MTUS2: variants seen among roughly 807,000 people sequenced by gnomAD.
The protein encoded by MTUS2 is microtubule associated scaffold protein 2, also known as microtubule-associated tumor suppressor candidate 2.
Under a neutral mutation model 114.1 loss-of-function variants are expected in MTUS2, and 40 were observed. That is an observed-to-expected ratio of 0.35 (90% CI 0.27 to 0.46). The LOEUF (loss-of-function observed/expected upper bound fraction) is 0.46, where lower values mean the gene tolerates loss of function less well. MTUS2 is among the 20% of genes least tolerant of loss of function. The pLI is 1.00. For missense variants in MTUS2, 1,679 were observed against 1,705.4 expected (o/e 0.98, Z 0.27); for synonymous variants, 688 against 672.0 (o/e 1.02, Z -0.37).
intron 6 of MTUS2, among the ~76,000 whole-genome samples, chr13:29,306,167 G>C (rs1899446711): frequency 6.6e-6 from 1 of 152,076 alleles, no homozygotes; most frequent in African/African-American, 2.4e-5. Flanking sequence ...TATGACAAAT[G>C]CACAGTCAAT....
chr13:29,280,972 A>G (rs1898243383), intron 5 of MTUS2, among the ~76,000 whole-genome samples: 1 of 152,248 alleles, frequency 6.6e-6, no homozygotes, highest in Non-Finnish European at 1.5e-5. Context: ...AGTATGCCAT[A>G]TCTTCAGAGT....
At chr13:29,345,280 T>C (rs1868553196) in intron 7 of MTUS2, among the ~76,000 whole-genome samples, 1 of 152,242 alleles carries the variant, frequency 6.6e-6, no homozygotes, top group African/African-American at 2.4e-5. Context: ...CTTTCCTTTC[T>C]CAGAAACACC....
At chr13:29,311,074 T>C (rs1487667110) in intron 6 of MTUS2, among the ~76,000 whole-genome samples, 1 of 152,214 alleles carries the variant, frequency 6.6e-6, no homozygotes, top group Non-Finnish European at 1.5e-5. Flanking sequence ...GGGCTACATG[T>C]GGATGAAAAT....
chr13:28,913,011 G>C (rs1880537909), intron 2 of MTUS2, among the ~76,000 whole-genome samples: 1 of 152,020 alleles, frequency 6.6e-6, no homozygotes, highest in African/African-American at 2.4e-5. Flanking sequence ...GAAGCTTTTG[G>C]GCTGAGACGA....
rs1048593480 is a variant in MTUS2, at chr13:29,379,836, A to G, written c.3117+20363A>G. ...AAAAAGATCACGTTTCCCAATACTG[A>G]GGAGAAACAGACATAAGGGTAGAGA... is the stretch of plus-strand genomic sequence containing the variant. On this transcript the variant is annotated intron_variant, in intron 8 of 15. Transcript: ENST00000612955. Among the ~76,000 whole-genome samples, 5 of 152,246 alleles carry G rather than the reference A, an allele frequency of 3.3e-5. No individual in the cohort carries two copies. In the South Asian group the frequency reaches 8.3e-4, roughly 25 times the overall value.
At chr13:29,057,724 TAC>T (rs1274729575) in intron 4 of MTUS2, among the ~76,000 whole-genome samples, 6 of 152,178 alleles carry the variant, frequency 3.9e-5, no homozygotes, top group Non-Finnish European at 2.9e-5. Context: ...GTAGACAGCA[TAC>T]AGTCAGGTTT....
At chr13:29,502,329 G>A (rs372613829) in intron 15 of MTUS2, among the ~76,000 whole-genome samples, 53 of 152,360 alleles carry the variant, frequency 3.5e-4, no homozygotes, top group African/African-American at 1.2e-3. Flanking sequence ...CAAGCAATTC[G>A]GATTCATTTT....
chr13:29,278,834 A>C (rs1898162602), intron 5 of MTUS2, among the ~76,000 whole-genome samples: 1 of 151,976 alleles, frequency 6.6e-6, no homozygotes, highest in South Asian at 2.1e-4. Context: ...AGACAATCAT[A>C]CTCTCACTCT....
At chr13:28,902,828 T>C (rs1879725326) in intron 2 of MTUS2, among the ~76,000 whole-genome samples, 1 of 152,182 alleles carries the variant, frequency 6.6e-6, no homozygotes, top group Admixed American at 6.6e-5. Context: ...TGGCTTCTTA[T>C]TAAATAGAAT....
intron 2 of MTUS2, among the ~76,000 whole-genome samples, chr13:28,992,396 A>C (rs1245249833): frequency 2.0e-5 from 3 of 152,146 alleles, no homozygotes; most frequent in Admixed American, 2.0e-4. Context: ...TGCCGGAGGG[A>C]GGAGGAGGTG....
chr13:29,189,842 C>T (rs2139189875), intron 5 of MTUS2, among the ~76,000 whole-genome samples: 1 of 152,162 alleles, frequency 6.6e-6, no homozygotes. Flanking sequence ...TCCCTCTACC[C>T]CCAAATGTAT....
At chr13:29,274,013 G>A (rs559013935) in intron 5 of MTUS2, among the ~76,000 whole-genome samples, 229 of 152,232 alleles carry the variant, frequency 1.5e-3, no homozygotes, top group African/African-American at 5.3e-3. Flanking sequence ...GTGAACATAT[G>A]TTTTCAGTTT....
chr13:29,369,679 A>T (rs1234119382), intron 8 of MTUS2, among the ~76,000 whole-genome samples: 1 of 152,250 alleles, frequency 6.6e-6, no homozygotes, highest in East Asian at 1.9e-4. Flanking sequence ...CCCTGGAGAG[A>T]GTAAAAACAC....
At chr13:29,325,134 G>C (rs868325656) in intron 7 of MTUS2, among the ~76,000 whole-genome samples, 5 of 152,146 alleles carry the variant, frequency 3.3e-5, no homozygotes, top group African/African-American at 2.4e-5. Context: ...ACTACATAAG[G>C]TTGCTTGAAA....
intron 2 of MTUS2, among the ~76,000 whole-genome samples, chr13:28,864,518 A>C (rs1423341985): frequency 6.6e-6 from 1 of 152,252 alleles, no homozygotes; most frequent in Non-Finnish European, 1.5e-5. Flanking sequence ...AATTAACAGA[A>C]GTTAAAACAC....
At chr13:29,166,908 A>G (rs1893338518) in intron 5 of MTUS2, among the ~76,000 whole-genome samples, 1 of 152,228 alleles carries the variant, frequency 6.6e-6, no homozygotes, top group African/African-American at 2.4e-5. Context: ...GCTTTTCAGT[A>G]TGCTCCTACT....
At chr13:29,256,399 C>T (rs1256261207) in intron 5 of MTUS2, among the ~76,000 whole-genome samples, 1 of 152,166 alleles carries the variant, frequency 6.6e-6, no homozygotes, top group East Asian at 1.9e-4. Context: ...GTGCCAAGCC[C>T]TGTAAGACGA....
intron 7 of MTUS2, among the ~76,000 whole-genome samples, chr13:29,333,277 A>C (rs1489095828): frequency 6.6e-6 from 1 of 151,976 alleles, no homozygotes; most frequent in East Asian, 1.9e-4. Flanking sequence ...AGCTGACTGT[A>C]ACCTCCACCT....
At chr13:28,855,703 T>A (rs2138046679) in intron 2 of MTUS2, among the ~76,000 whole-genome samples, 1 of 152,358 alleles carries the variant, frequency 6.6e-6, no homozygotes, top group Admixed American at 6.5e-5. Flanking sequence ...ATTCCATGTC[T>A]TTGCTATTGT....
Sources: allele counts gnomAD v4.1 joint callset (sites outside exome capture counted in the v4.1 genomes callset), GRCh38; gene constraint gnomAD v4.1.1; transcripts MANE v1.5; gene names NCBI Gene and HGNC (gene_info 2026-07-23, HGNC 2026-07-21).